CFAP36: variants seen among roughly 807,000 people sequenced by gnomAD.
CFAP36 encodes the protein cilia- and flagella-associated protein 36.
In CFAP36, 37 loss-of-function variants were observed where a neutral mutation model predicts 50.5. That is an observed-to-expected ratio of 0.73 (90% CI 0.56 to 0.96). The LOEUF is 0.96. Among genes scored for constraint, CFAP36 ranks in the 50% least tolerant of loss-of-function variants. CFAP36 has a pLI of 0.00. For synonymous variants in CFAP36, 138 were observed against 128.2 expected (o/e 1.08, Z -0.52); for missense variants, 407 against 396.2 (o/e 1.03, Z -0.23).
intron 2 of CFAP36, among the ~76,000 whole-genome samples, chr2:55,523,189 T>A (rs1176092180): frequency 6.7e-6 from 1 of 149,482 alleles, no homozygotes; most frequent in Non-Finnish European, 1.5e-5. Flanking sequence ...GGCAGGCGGA[T>A]CACCTGAGGT....
In CFAP36 at chr2:55,544,326, T is replaced by TA. The variant is rs765552870; in HGVS notation, c.885dup (p.Gln296ThrfsTer46). On this transcript the variant is annotated frameshift_variant, in exon 9 of 10. Transcript: ENST00000349456. LOFTEE classifies it high-confidence loss of function. ...AGAAAGGATATGAGGACTAAACAGA[T>TA]ACAAAATATGGAGCAGAAAGGAAAA... 4.4e-5 allele frequency: 71 copies of TA among 1,613,582 alleles called. No homozygotes were observed. The highest frequency in any genetic ancestry group is 5.6e-5 in the Non-Finnish European group (66 of 1,179,868).
At position 55,533,948 on chromosome 2, in the gene CFAP36, G is replaced by C; in HGVS notation, c.473G>C (p.Arg158Thr). The C allele has an allele frequency of 6.2e-7, 1 of 1,604,448 alleles. No homozygotes were observed. The highest frequency in any genetic ancestry group is 8.5e-7 in the Non-Finnish European group (1 of 1,172,664). ...DLEHEEMKILREVLRKSKEEY... is the reference protein window; with the variant it reads ...DLEHEEMKILTEVLRKSKEEY... ...GAACACGAAGAGATGAAAATCCTGAGGGAAGTTCTTAGGTACCATTCTTTA... is the reference window on the plus strand; with the variant it reads ...GAACACGAAGAGATGAAAATCCTGACGGAAGTTCTTAGGTACCATTCTTTA... Residue 158 changes from arginine to threonine, a missense_variant, in exon 5 of 10, where the codon AGG becomes ACG. Coordinates refer to ENST00000349456, the MANE Select transcript of CFAP36 (RefSeq NM_080667.7).
intron 3 of CFAP36, among the ~76,000 whole-genome samples, chr2:55,528,664 G>A (rs1684273275): frequency 6.6e-6 from 1 of 152,064 alleles, no homozygotes; most frequent in East Asian, 1.9e-4. Flanking sequence ...CCAAAGTATT[G>A]GGTTTACAGG....
chr2:55,529,347 G>A (rs958211200), intron 4 of CFAP36, among the ~76,000 whole-genome samples: 43 of 151,938 alleles, frequency 2.8e-4, no homozygotes, highest in Admixed American at 1.6e-3. Flanking sequence ...GCGTGAACCC[G>A]GGAGGTGGAG....
intron 3 of CFAP36, among the ~76,000 whole-genome samples, chr2:55,525,593 A>G (rs1448811159): frequency 2.6e-5 from 4 of 152,020 alleles, no homozygotes; most frequent in South Asian, 4.1e-4. Flanking sequence ...TAGTTCTCCA[A>G]TACATTATGT....
intron 1 of CFAP36, among the ~76,000 whole-genome samples, chr2:55,521,888 C>T (rs1010945827): frequency 2.0e-5 from 3 of 151,856 alleles, no homozygotes; most frequent in African/African-American, 4.8e-5. Context: ...CCTTGGCCTC[C>T]GAAAGTGCTG....
chr2:55,527,250 C>T (rs986699741), intron 3 of CFAP36, among the ~76,000 whole-genome samples: 26 of 152,170 alleles, frequency 1.7e-4, no homozygotes, highest in African/African-American at 6.3e-4. Flanking sequence ...TTGGACAGAT[C>T]CAGTAGTTAG....
At chr2:55,522,347 A>G (rs1441972588) in intron 2 of CFAP36, among the ~76,000 whole-genome samples, 181 bp downstream of exon 2, 2 of 152,186 alleles carry the variant, frequency 1.3e-5, no homozygotes, top group Non-Finnish European at 2.9e-5. Context: ...CATTTGGATG[A>G]CTTATCTCCT....
At chr2:55,534,381 C>G (rs1009520037) in intron 5 of CFAP36, among the ~76,000 whole-genome samples, 9 of 152,180 alleles carry the variant, frequency 5.9e-5, no homozygotes, top group African/African-American at 1.9e-4. Flanking sequence ...GATTGAATAG[C>G]TGACTTGGTG....
At chr2:55,521,723 G>A (rs1179416690) in intron 1 of CFAP36, among the ~76,000 whole-genome samples, 1 of 151,200 alleles carries the variant, frequency 6.6e-6, no homozygotes, top group Non-Finnish European at 1.5e-5. Flanking sequence ...TCCGCCTCCT[G>A]GGTTCAAGCA....
At chr2:55,542,861 G>C (rs773394813) in intron 7 of CFAP36, among the ~76,000 whole-genome samples, 11 of 152,150 alleles carry the variant, frequency 7.2e-5, no homozygotes, top group Non-Finnish European at 1.0e-4. Flanking sequence ...GTAGCTCCCT[G>C]TCTAGGTTGG....
intron 4 of CFAP36, chr2:55,531,234 T>C (rs968873839): frequency 4.6e-5 from 7 of 152,238 alleles, no homozygotes; most frequent in African/African-American, 1.2e-4. Context: ...CTGAAAACTA[T>C]GCTTTATTCT....
intron 7 of CFAP36, among the ~76,000 whole-genome samples, chr2:55,543,527 T>C (rs1303891358): frequency 6.6e-6 from 1 of 152,218 alleles, no homozygotes; most frequent in East Asian, 1.9e-4. Flanking sequence ...TCTGAAAGTA[T>C]AGGGTGACTT....
Position 55,538,864 on chromosome 2 carries a change from A to T in CFAP36, c.640+1279A>T. On this transcript the variant is annotated intron_variant, in intron 7 of 9. Transcript: ENST00000349456. Reference sequence around the variant, plus strand: ...TTCTGACACTAAATATATTCTTCTAAACCTTAGTTTAGAAGAACTTCTATA... The same window carrying T: ...TTCTGACACTAAATATATTCTTCTATACCTTAGTTTAGAAGAACTTCTATA... 1.3e-5 allele frequency: 19 copies of T among 1,508,960 alleles called. No individual in the cohort carries two copies. The Admixed American group carries it at 2.0e-4, about 16-fold the overall frequency. 93.5% of individuals were successfully genotyped at this position (1,508,960 alleles called of 1,614,324 possible). A position where few individuals can be genotyped will look rare whatever the true frequency, so the allele number is the denominator to read the frequency against.
At chr2:55,538,791 C>T in intron 7 of CFAP36, 1 of 1,546,660 alleles carries the variant, frequency 6.5e-7, no homozygotes, top group African/African-American at 1.4e-5. Context: ...AGCGACTTGT[C>T]CAAGATCACC....
In CFAP36 at chr2:55,544,881, T is replaced by C. The variant is rs1471866678; in HGVS notation, c.928-26T>C. 2.0e-6 allele frequency: 3 copies of C among 1,484,018 alleles called. No homozygotes were observed. In the South Asian group the frequency reaches 3.7e-5, roughly 18 times the overall value. 91.9% of individuals were successfully genotyped at this position (1,484,018 alleles called of 1,614,324 possible). ...AGACAAATTACCCTATTTCATACTG[T>C]AGCCAATTTTTTCTTTTTTTTTCAG... On this transcript the variant is annotated intron_variant, in intron 9 of 9. Coordinates refer to ENST00000349456, the MANE Select transcript of CFAP36 (RefSeq NM_080667.7).
intron 7 of CFAP36, among the ~76,000 whole-genome samples, chr2:55,542,818 T>G (rs1282099444): frequency 6.6e-6 from 1 of 152,142 alleles, no homozygotes; most frequent in African/African-American, 2.4e-5. Context: ...ATAACAGCGG[T>G]GTTTTACCTC....
At chr2:55,521,674 G>C (rs1388104061) in intron 1 of CFAP36, among the ~76,000 whole-genome samples, 1 of 149,772 alleles carries the variant, frequency 6.7e-6, no homozygotes, top group Non-Finnish European at 1.5e-5. Flanking sequence ...CTGCCGCCCA[G>C]GCTGGAGTGC....
chr2:55,536,170 T>A (rs1684481681), intron 6 of CFAP36, among the ~76,000 whole-genome samples: 1 of 151,688 alleles, frequency 6.6e-6, no homozygotes, highest in South Asian at 2.1e-4. Flanking sequence ...TCTCATTCTG[T>A]CACCCAGGCT....
Sources: allele counts gnomAD v4.1 joint callset (sites outside exome capture counted in the v4.1 genomes callset), GRCh38; gene constraint gnomAD v4.1.1; transcripts MANE v1.5; gene names NCBI Gene and HGNC (gene_info 2026-07-23, HGNC 2026-07-21).